Variants in AOPEP observed in about 807,000 individuals in gnomAD.
AOPEP encodes the protein aminopeptidase O (putative).
A neutral mutation model predicts 98.1 loss-of-function variants in AOPEP; 77 were observed. That is an observed-to-expected ratio of 0.78 (90% CI 0.65 to 0.95). AOPEP has a LOEUF of 0.95. AOPEP is among the 40% of genes least tolerant of loss of function. AOPEP has a pLI of 0.00. For missense variants in AOPEP, 1,024 were observed against 1,024.7 expected (o/e 1.00, Z 0.01); for synonymous variants, 346 against 365.3 (o/e 0.95, Z 0.60).
At position 94,726,933 on chromosome 9, in the gene AOPEP, A is replaced by G. The variant is rs541021613; in HGVS notation, c.-136+182A>G. Among the ~76,000 whole-genome samples the G allele has an allele frequency of 3.3e-5, 5 of 152,154 alleles. No individual in the cohort carries two copies. The East Asian group carries it at 9.7e-4, about 29-fold the overall frequency. ...TCCCAGACTCCTGGGGCTGAAACCC[A>G]TCCTGGGGACTGGGCGGAGCGGTCA... is the stretch of plus-strand genomic sequence containing the variant. On this transcript the variant is annotated intron_variant, in intron 1 of 16. Transcript: ENST00000375315.
chr9:94,833,011 C>G (rs1189190615), intron 5 of AOPEP, among the ~76,000 whole-genome samples: 1 of 151,338 alleles, frequency 6.6e-6, no homozygotes, highest in African/African-American at 2.4e-5. Context: ...TCTCTGCTCA[C>G]TGCAGACTCC....
chr9:95,123,804 G>C, the AOPEP span: 1 of 693,806 alleles, frequency 1.4e-6, no homozygotes. Flanking sequence ...CACAAGGACT[G>C]AACACCCCTA....
intron 5 of AOPEP, among the ~76,000 whole-genome samples, chr9:94,848,451 CAA>C (rs35685082): frequency 9.2e-5 from 7 of 75,798 alleles, no homozygotes; most frequent in Admixed American, 8.5e-4. Flanking sequence ...GACTCCGTCT[CAA>C]AAAAAAAAAA....
At chr9:94,838,909 CTTTTTT>C (rs35849023) in intron 5 of AOPEP, among the ~76,000 whole-genome samples, 1 of 99,770 alleles carries the variant, frequency 1.0e-5, no homozygotes, top group Non-Finnish European at 1.8e-5. Flanking sequence ...AAATGCTATT[CTTTTTT>C]TTTTTTTTTT....
chr9:95,045,177 C>T (rs896867291), intron 13 of AOPEP, among the ~76,000 whole-genome samples: 4 of 152,220 alleles, frequency 2.6e-5, no homozygotes, highest in Non-Finnish European at 4.4e-5. Context: ...AACGGCGCCC[C>T]TAGCGTCTGC....
chr9:94,863,981 A>G (rs1356554812), intron 5 of AOPEP, among the ~76,000 whole-genome samples: 1 of 152,208 alleles, frequency 6.6e-6, no homozygotes, highest in Non-Finnish European at 1.5e-5. Flanking sequence ...CTAGATAGCC[A>G]TGTATTCAGT....
chr9:95,054,996 G>T (rs756332653), intron 13 of AOPEP, among the ~76,000 whole-genome samples: 3 of 152,062 alleles, frequency 2.0e-5, no homozygotes, highest in Non-Finnish European at 4.4e-5. Flanking sequence ...GTAAGTTTCG[G>T]CAATTCTTTA....
chr9:95,139,840 A>T, the AOPEP span, among the ~76,000 whole-genome samples: 2 of 147,132 alleles, frequency 1.4e-5, no homozygotes, highest in African/African-American at 4.9e-5. Flanking sequence ...ATATTTATAT[A>T]TATATATATA....
At chr9:95,020,717 A>AC (rs2063376344) in intron 13 of AOPEP, among the ~76,000 whole-genome samples, 1 of 152,012 alleles carries the variant, frequency 6.6e-6, no homozygotes, top group Non-Finnish European at 1.5e-5. Context: ...CAGGAGTTCA[A>AC]GACCAACCTC....
intron 11 of AOPEP, among the ~76,000 whole-genome samples, chr9:94,981,961 A>G (rs987287668): frequency 2.6e-5 from 4 of 152,210 alleles, no homozygotes. Context: ...AATGGAAATC[A>G]TTTTTAAAAA....
the AOPEP span, chr9:95,101,702 G>A: frequency 6.7e-4 from 1,085 of 1,613,762 alleles, 16 homozygotes; most frequent in East Asian, 0.021. Flanking sequence ...CGGCCTGCGT[G>A]CCTTCTAGAC....
intron 5 of AOPEP, among the ~76,000 whole-genome samples, chr9:94,919,637 T>G (rs1588887954): frequency 6.6e-6 from 1 of 152,034 alleles, no homozygotes; most frequent in African/African-American, 2.4e-5. Context: ...TCACACCTGA[T>G]GAAGGAAAGA....
intron 5 of AOPEP, among the ~76,000 whole-genome samples, chr9:94,858,821 G>A (rs948566007): frequency 6.6e-6 from 1 of 152,042 alleles, no homozygotes; most frequent in Non-Finnish European, 1.5e-5. Context: ...GGCCAAGGCG[G>A]GCAGATCACC....
At chr9:95,044,606 G>A (rs2065671099) in intron 13 of AOPEP, among the ~76,000 whole-genome samples, 1 of 152,238 alleles carries the variant, frequency 6.6e-6, no homozygotes, top group Admixed American at 6.5e-5. Flanking sequence ...CCCTTGAATA[G>A]TGATTTGAGT....
chr9:95,064,880 G>T (rs775261493), intron 14 of AOPEP, among the ~76,000 whole-genome samples: 1 of 152,224 alleles, frequency 6.6e-6, no homozygotes, highest in Non-Finnish European at 1.5e-5. Flanking sequence ...AAGAATGAAG[G>T]TTTGATGGTT....
chr9:94,939,977 A>G (rs1037441973), intron 7 of AOPEP, among the ~76,000 whole-genome samples: 4 of 152,212 alleles, frequency 2.6e-5, no homozygotes, highest in African/African-American at 7.2e-5. Flanking sequence ...ACATAAATAA[A>G]TTTGTATTTT....
At position 94,731,995 on chromosome 9, in the gene AOPEP, G is replaced by C. The variant is rs576936224; in HGVS notation, c.-136+5244G>C. Reference sequence around the variant, plus strand: ...AGGTGGCGTTTCACCATGTTGGCCAGGCTGGTTTCGAACTCCTGACCTCAA... The same window carrying C: ...AGGTGGCGTTTCACCATGTTGGCCACGCTGGTTTCGAACTCCTGACCTCAA... On this transcript the variant is annotated intron_variant, in intron 1 of 16. Transcript: ENST00000375315. Among the ~76,000 whole-genome samples, 5 of 151,992 alleles carry C rather than the reference G, an allele frequency of 3.3e-5. No individual in the cohort carries two copies. The South Asian group carries it at 1.0e-3, about 32-fold the overall frequency.
chr9:95,104,983 C>T, the AOPEP span, among the ~76,000 whole-genome samples: 1 of 152,220 alleles, frequency 6.6e-6, no homozygotes, highest in South Asian at 2.1e-4. Flanking sequence ...AGTGTAAAGC[C>T]CTCTAGGTTG....
At chr9:94,734,279 C>T (rs1197821920) in intron 1 of AOPEP, among the ~76,000 whole-genome samples, 1 of 152,100 alleles carries the variant, frequency 6.6e-6, no homozygotes, top group Non-Finnish European at 1.5e-5. Flanking sequence ...GGACCTCTTG[C>T]CCTTCCTACA....
Sources: gnomAD v4.1 joint callset for allele counts (sites outside exome capture counted in the v4.1 genomes callset) on GRCh38, gnomAD v4.1.1 for gene constraint, MANE v1.5 for transcripts, NCBI Gene and HGNC (gene_info 2026-07-23, HGNC 2026-07-21) for gene names.